NGEF: variants seen among roughly 807,000 people sequenced by gnomAD.
NGEF encodes ephexin-1.
Under a neutral mutation model 80.9 loss-of-function variants are expected in NGEF, and 31 were observed. That is an observed-to-expected ratio of 0.38 (90% CI 0.29 to 0.52). The LOEUF is 0.52. NGEF is among the 20% of genes least tolerant of loss of function. The pLI is 0.84. For synonymous variants in NGEF, 371 were observed against 370.2 expected, an observed-to-expected ratio of 1.00 and a Z score of -0.03; for missense variants, 709 against 926.2, an observed-to-expected ratio of 0.77 and a Z score of 3.04.
intron 3 of NGEF, among the ~76,000 whole-genome samples, chr2:232,940,722 A>G (rs1693419296): frequency 6.6e-6 from 1 of 152,250 alleles, no homozygotes. Context: ...GCAGATTGCA[A>G]AACTGGATGG....
intron 3 of NGEF, among the ~76,000 whole-genome samples, chr2:232,951,760 C>T (rs1693683142): frequency 6.6e-6 from 1 of 152,200 alleles, no homozygotes; most frequent in South Asian, 2.1e-4. Flanking sequence ...GAAATCCCAA[C>T]ATGTTGTTTA....
intron 1 of NGEF, among the ~76,000 whole-genome samples, chr2:233,006,015 TAG>T (rs1250835225): frequency 1.3e-5 from 2 of 152,136 alleles, no homozygotes; most frequent in Non-Finnish European, 2.9e-5. Flanking sequence ...CGGGGTTTTG[TAG>T]TGTTTGTCAA....
intron 5 of NGEF, among the ~76,000 whole-genome samples, chr2:232,896,083 T>C (rs1025148812): frequency 1.3e-5 from 2 of 151,968 alleles, no homozygotes. Context: ...CACAGTCGCT[T>C]CCCAGGAGGG....
intron 9 of NGEF, 149 bp downstream of exon 9, chr2:232,887,884 G>A (rs1272833523): frequency 7.1e-6 from 5 of 704,664 alleles, no homozygotes; most frequent in African/African-American, 5.3e-5. Context: ...TTAAGCCCCA[G>A]TGACTCTTTT....
At chr2:232,991,651 T>C in intron 1 of NGEF, among the ~76,000 whole-genome samples, 1 of 152,190 alleles carries the variant, frequency 6.6e-6, no homozygotes, top group East Asian at 1.9e-4. Context: ...ATTAATATTG[T>C]TAAGATGGCA....
intron 4 of NGEF, among the ~76,000 whole-genome samples, chr2:232,925,681 A>G (rs1018122704): frequency 1.3e-5 from 2 of 152,212 alleles, no homozygotes; most frequent in Non-Finnish European, 2.9e-5. Context: ...CACTGATCTT[A>G]GCCAAAGAGG....
At chr2:232,971,267 C>T (rs1694177619) in intron 2 of NGEF, among the ~76,000 whole-genome samples, 1 of 152,180 alleles carries the variant, frequency 6.6e-6, no homozygotes, top group African/African-American at 2.4e-5. Context: ...CAGCCCCCAC[C>T]CCGTGCTCTT....
intron 1 of NGEF, among the ~76,000 whole-genome samples, chr2:232,985,557 C>A (rs1177880481): frequency 6.6e-6 from 1 of 151,184 alleles, no homozygotes; most frequent in African/African-American, 2.4e-5. Flanking sequence ...TCGAGACCAT[C>A]CTGGCTAACA....
At chr2:232,990,517 A>G (rs1238203067) in intron 1 of NGEF, among the ~76,000 whole-genome samples, 1 of 152,096 alleles carries the variant, frequency 6.6e-6, no homozygotes, top group Admixed American at 6.5e-5. Flanking sequence ...CAAAATGATT[A>G]TGAAATTCAT....
At chr2:233,012,825 GGA>G (rs780818009) in intron 1 of NGEF, 60 of 470,902 alleles carry the variant, frequency 1.3e-4, no homozygotes, top group African/African-American at 1.1e-3. Context: ...AAGAGCGCCT[GGA>G]AGGAGTCCTT....
chr2:232,992,573 A>G (rs980137812), intron 1 of NGEF, among the ~76,000 whole-genome samples: 1 of 152,068 alleles, frequency 6.6e-6, no homozygotes, highest in Non-Finnish European at 1.5e-5. Flanking sequence ...TAAAAAAAAG[A>G]AGAAGAAAAG....
intron 5 of NGEF, among the ~76,000 whole-genome samples, chr2:232,910,154 C>T (rs774433049): frequency 1.6e-4 from 24 of 151,762 alleles, no homozygotes; most frequent in Admixed American, 1.2e-3. Context: ...TAGTGGCCAA[C>T]GATGCTGCTA....
At chr2:232,929,373 A>T (rs1424244332) in intron 3 of NGEF, among the ~76,000 whole-genome samples, 1 of 152,216 alleles carries the variant, frequency 6.6e-6, no homozygotes, top group Non-Finnish European at 1.5e-5. Flanking sequence ...GCTGAGAAGC[A>T]TTAAGCTTTT....
chr2:232,914,397 G>C (rs1344009215), intron 5 of NGEF, among the ~76,000 whole-genome samples: 1 of 152,190 alleles, frequency 6.6e-6, no homozygotes, highest in East Asian at 1.9e-4. Context: ...GTGACTATTG[G>C]AGACATGATG....
intron 3 of NGEF, among the ~76,000 whole-genome samples, chr2:232,941,871 AC>A (rs1312985121): frequency 6.6e-6 from 1 of 152,252 alleles, no homozygotes; most frequent in Admixed American, 6.5e-5. Context: ...ACAGTAAATT[AC>A]TTCTTGGCAT....
chr2:232,885,924 G>A (rs1691664896), intron 9 of NGEF, among the ~76,000 whole-genome samples: 1 of 152,224 alleles, frequency 6.6e-6, no homozygotes, highest in Admixed American at 6.5e-5. Flanking sequence ...AAACACGCTC[G>A]CCAGCCTCAA....
chr2:232,970,451 G>C, intron 2 of NGEF, 123 bp from the exon 3 acceptor site: 1 of 625,730 alleles, frequency 1.6e-6, no homozygotes, highest in Non-Finnish European at 2.8e-6. Flanking sequence ...GAGTGGGAAG[G>C]GGTGTCCCTC....
chr2:232,928,275 CGACCCGGGCCCCGCGAGCGCCGA>C, intron 3 of NGEF: 1 of 626,506 alleles, frequency 1.6e-6, no homozygotes, highest in Non-Finnish European at 2.0e-6. Context: ...GGGCTGGGCG[CGACCCGGGCCCCGCGAGCGCCGA>C]CTGCGGGCTG....
chr2:232,879,420 G>GCACCCC lies in NGEF; in HGVS notation c.*68_*69insGGGGTG. ...GAGGTGCTGGCCTGTGCTTCCCAGA[G>GCACCCC]CCCCCCCCCCCCCACCTTCTGTCGG... is the stretch of plus-strand genomic sequence containing the variant. On this transcript the variant is annotated 3_prime_UTR_variant, in exon 15 of 15. Coordinates refer to ENST00000264051, the MANE Select transcript of NGEF (RefSeq NM_019850.3). The GCACCCC allele has an allele frequency of 8.1e-7, 1 of 1,228,156 alleles. No individual in the cohort carries two copies. 76.1% of individuals were successfully genotyped at this position (1,228,156 alleles called of 1,614,324 possible).
Sources: allele counts gnomAD v4.1 joint callset (sites outside exome capture counted in the v4.1 genomes callset), GRCh38; gene constraint gnomAD v4.1.1; transcripts MANE v1.5; gene names NCBI Gene and HGNC (gene_info 2026-07-23, HGNC 2026-07-21).